The following TBX6 variants were observed in gnomAD, a reference collection of about 807,000 sequenced individuals.
The protein encoded by TBX6 is T-box transcription factor 6, also known as T-box transcription factor TBX6.
TBX6 carries 29 observed loss-of-function variants against 42.3 expected under a neutral mutation model. The observed-to-expected ratio is 0.69, with a 90% CI of 0.51 to 0.93. The LOEUF (loss-of-function observed/expected upper bound fraction) is 0.93, where lower values mean the gene tolerates loss of function less well. TBX6 is among the 40% of genes least tolerant of loss of function. The probability of loss-of-function intolerance (pLI) is 0.00; values close to 1 mark genes in which losing one functional copy is unlikely to be tolerated. For synonymous variants in TBX6, 249 were observed against 245.1 expected (o/e 1.02, Z -0.15); for missense variants, 569 against 603.3 (o/e 0.94, Z 0.59).
At position 30,088,686 on chromosome 16, in the gene TBX6, C is replaced by A; in HGVS notation, c.768+7G>T. 1 of 1,614,124 alleles carries A rather than the reference C, an allele frequency of 6.2e-7. No individual in the cohort carries two copies. On this transcript the variant is annotated splice_region_variant and intron_variant, in intron 5 of 8. Coordinates refer to ENST00000395224, the MANE Select transcript of TBX6 (RefSeq NM_004608.4). The surrounding 1 kb of genome is among the most constrained non-coding windows in gnomAD (Gnocchi z 4.1). ...GGGCCACCACCCCCTCAAGCAGGGT[C>A]ACTCACCTGTGGGTTCTGGTAGGCT...
At chr16:30,090,722 C>T (rs954032270) in intron 3 of TBX6, 36 bp downstream of exon 3, 4 of 1,594,296 alleles carry the variant, frequency 2.5e-6, no homozygotes, top group South Asian at 2.3e-5. Flanking sequence ...CCCAAGAGAC[C>T]CCCACCAGAA....
Position 30,086,174 on chromosome 16 carries a change from G to T in TBX6, c.*51C>A. ...TGGAGGTGAGGGGGCTCCAGGGCTG[G>T]GGGAAGGGAGCGGGAGGTTTGTGAT... On this transcript the variant is annotated 3_prime_UTR_variant, in exon 9 of 9. Transcript: ENST00000395224. The surrounding 1 kb of genome is among the most constrained non-coding windows in gnomAD (Gnocchi z 4.6). The T allele has an allele frequency of 6.3e-7, 1 of 1,590,026 alleles. No individual in the cohort carries two copies. The highest frequency in any genetic ancestry group is 8.6e-7 in the Non-Finnish European group (1 of 1,168,294).
intron 3 of TBX6, among the ~76,000 whole-genome samples, chr16:30,090,265 C>T (rs1297538531): frequency 1.3e-5 from 2 of 152,156 alleles, no homozygotes; most frequent in Non-Finnish European, 2.9e-5. Context: ...GGCTTGAGTT[C>T]CTGCCCCAGC....
chr16:30,088,328 A>T lies in TBX6; in HGVS notation c.839+217T>A. 1.6e-6 allele frequency: 1 copy of T among 630,602 alleles called. No homozygotes were observed. Among genetic ancestry groups the T allele is most frequent in the Non-Finnish European group, 2.8e-6 (1 of 360,426 alleles). 39.1% of individuals were successfully genotyped at this position (630,602 alleles called of 1,614,324 possible). A position where few individuals can be genotyped will look rare whatever the true frequency, so the allele number is the denominator to read the frequency against. ...ACTCTCCCCACTAGAAATCAGCTGCATGAGGGCCGGGGCTTTGGTTTGCTT... is the reference window on the plus strand; with the variant it reads ...ACTCTCCCCACTAGAAATCAGCTGCTTGAGGGCCGGGGCTTTGGTTTGCTT... On this transcript the variant is annotated intron_variant, in intron 6 of 8. Coordinates refer to ENST00000395224, the MANE Select transcript of TBX6 (RefSeq NM_004608.4). This position sits in a 1 kb window ranked among gnomAD's most constrained non-coding sequence, Gnocchi z 4.1.
rs1266589070 is a variant in TBX6, at chr16:30,086,687, C to T, written c.922G>A (p.Gly308Ser). 1.9e-6 allele frequency: 3 copies of T among 1,612,296 alleles called. No individual in the cohort carries two copies. The highest frequency in any genetic ancestry group is 2.5e-6 in the Non-Finnish European group (3 of 1,179,186). Residue 308 changes from glycine (G) to serine (S), a missense_variant, in exon 8 of 9, where the codon GGT becomes AGT. Transcript: ENST00000395224. The surrounding 1 kb of genome is among the most constrained non-coding windows in gnomAD (Gnocchi z 4.6). ...TEAYGSGDTP[G>S]GPCDSTLGGD... ...CCCAGGGTGGAGTCGCAGGGACCAC[C>T]TGGTGTGTCTGGGGAGAGGGAAGGG... is the stretch of plus-strand genomic sequence containing the variant.
rs1230204042 is a variant in TBX6, at chr16:30,088,481, G to T, written c.839+64C>A. The T allele has an allele frequency of 3.7e-6, 6 of 1,604,922 alleles. No individual in the cohort carries two copies. The South Asian group carries it at 5.5e-5, about 15-fold the overall frequency. On this transcript the variant is annotated intron_variant, in intron 6 of 8. Transcript: ENST00000395224. The surrounding 1 kb of genome is among the most constrained non-coding windows in gnomAD (Gnocchi z 4.1). ...TTTCTGATGTCCAGCACGGTGCCTG[G>T]CACACAGTGAGTGATTAATAAACAT... is the stretch of plus-strand genomic sequence containing the variant.
At position 30,086,384 on chromosome 16, in the gene TBX6, A is replaced by G. The variant is rs373496540; in HGVS notation, c.1152T>C (p.Ala384=). 2.5e-5 allele frequency: 40 copies of G among 1,571,434 alleles called. No homozygotes were observed. Among genetic ancestry groups the G allele is most frequent in the Non-Finnish European group, 3.3e-5 (38 of 1,166,782 alleles). The change falls in exon 9 of 9, where the codon GCT becomes GCC. Residue 384 remains alanine, a synonymous_variant. Coordinates refer to ENST00000395224, the MANE Select transcript of TBX6 (RefSeq NM_004608.4). This position sits in a 1 kb window ranked among gnomAD's most constrained non-coding sequence, Gnocchi z 4.6. ...PDSGRSAPYS[A]AFLELPHGSG... ...ACCCGTGCGGCAGCTCCAGAAATGC[A>G]GCCGAGTAGGGGGCTGAGCGCCCGG...
In TBX6 at chr16:30,088,219, T is replaced by C. The variant is rs909874887; in HGVS notation, c.839+326A>G. 2.7e-5 allele frequency: 10 copies of C among 370,294 alleles called. No homozygotes were observed. The highest frequency in any genetic ancestry group is 2.1e-4 in the African/African-American group (10 of 47,600). The allele number at this position is 370,294 out of a possible 1,614,324, so 22.9% of individuals were successfully genotyped here. A position where few individuals can be genotyped will look rare whatever the true frequency, so the allele number is the denominator to read the frequency against. On this transcript the variant is annotated intron_variant, in intron 6 of 8. Transcript: ENST00000395224. This position sits in a 1 kb window ranked among gnomAD's most constrained non-coding sequence, Gnocchi z 4.1. ...TCCCAGAGTGCTGGGATTACATGCG[T>C]GAGCCACCACACCTGGTCTCTCTTC...
intron 3 of TBX6, 28 bp from the exon 4 acceptor site, chr16:30,089,238 C>CT (rs1417730993): frequency 1.9e-6 from 3 of 1,597,950 alleles, no homozygotes; most frequent in Non-Finnish European, 2.6e-6. Flanking sequence ...CAGGAGAGGC[C>CT]TGGAGCTACC....
At chr16:30,089,462 C>T (rs1161043801) in intron 3 of TBX6, among the ~76,000 whole-genome samples, 5 of 151,996 alleles carry the variant, frequency 3.3e-5, no homozygotes, top group Admixed American at 3.3e-4. Context: ...AGAAAGACCC[C>T]ATCTCTACAA....
rs1465012982 is a variant in TBX6 at position 30,086,170 on chromosome 16, G to A, written c.*55C>T. 1 of 1,585,816 alleles carries A rather than the reference G, an allele frequency of 6.3e-7. No individual in the cohort carries two copies. Among genetic ancestry groups the A allele is most frequent in the African/African-American group, 1.4e-5 (1 of 73,344 alleles). ...CCGGTGGAGGTGAGGGGGCTCCAGG[G>A]CTGGGGGAAGGGAGCGGGAGGTTTG... On this transcript the variant is annotated 3_prime_UTR_variant, in exon 9 of 9. Coordinates refer to ENST00000395224, the MANE Select transcript of TBX6 (RefSeq NM_004608.4). The surrounding 1 kb of genome is among the most constrained non-coding windows in gnomAD (Gnocchi z 4.6).
At chr16:30,087,934 C>CTT (rs2072664248) in intron 6 of TBX6, 1 of 17,874 alleles carries the variant, frequency 5.6e-5, no homozygotes, top group Non-Finnish European at 1.5e-4. Flanking sequence ...GTTTTCTTTT[C>CTT]TTTCTTTTTT....
rs1318523028 is a variant in TBX6 at position 30,085,836 on chromosome 16, C to T, written c.*389G>A. 4.4e-6 allele frequency: 1 copy of T among 227,646 alleles called. No homozygotes were observed. Among genetic ancestry groups the T allele is most frequent in the South Asian group, 5.5e-5 (1 of 18,116 alleles). 14.1% of individuals were successfully genotyped at this position (227,646 alleles called of 1,614,324 possible). A position where few individuals can be genotyped will look rare whatever the true frequency, so the allele number is the denominator to read the frequency against. The stretch of plus-strand genomic sequence containing the variant: ...CTTTTGAGTTTTATTAACAAAAATA[C>T]TCTGGTCCCAGAACAACAGACTGGT... On this transcript the variant is annotated 3_prime_UTR_variant, in exon 9 of 9. Transcript: ENST00000395224.
chr16:30,088,642 CA>C lies in TBX6; in HGVS notation c.769-28del. The C allele has an allele frequency of 6.2e-7, 1 of 1,614,110 alleles. No individual in the cohort carries two copies. Among genetic ancestry groups the C allele is most frequent in the South Asian group, 1.1e-5 (1 of 91,078 alleles). ...TGGGGACACACATGCAGGGTCAAAG[CA>C]ACTGCGGTCTGGGCAGGGGGCCACC... is the stretch of plus-strand genomic sequence containing the variant. On this transcript the variant is annotated intron_variant, in intron 5 of 8. Transcript: ENST00000395224. The surrounding 1 kb of genome is among the most constrained non-coding windows in gnomAD (Gnocchi z 4.1).
Position 30,086,936 on chromosome 16 carries a change from C to A in TBX6, c.840-85G>T. The A allele has an allele frequency of 6.7e-7, 1 of 1,499,742 alleles. No homozygotes were observed. The highest frequency in any genetic ancestry group is 9.0e-7 in the Non-Finnish European group (1 of 1,107,638). 92.9% of individuals were successfully genotyped at this position (1,499,742 alleles called of 1,614,324 possible). ...TACTTACCCGGTGCCAGGCATTTCA[C>A]CCTCCCAGGGACCCTGTCAGGTAGG... On this transcript the variant is annotated intron_variant, in intron 6 of 8. Coordinates refer to ENST00000395224, the MANE Select transcript of TBX6 (RefSeq NM_004608.4). The surrounding 1 kb of genome is among the most constrained non-coding windows in gnomAD (Gnocchi z 4.6).
intron 6 of TBX6, among the ~76,000 whole-genome samples, chr16:30,087,490 T>C (rs941010388): frequency 3.9e-5 from 6 of 152,002 alleles, no homozygotes; most frequent in Non-Finnish European, 7.4e-5. Flanking sequence ...AGTTCTGCTT[T>C]TGCATTTGAT....
intron 3 of TBX6, among the ~76,000 whole-genome samples, chr16:30,090,067 G>C (rs181511267): frequency 6.6e-6 from 1 of 152,184 alleles, no homozygotes; most frequent in East Asian, 1.9e-4. Context: ...TAGGAACAGA[G>C]CCATGACTCC....
Position 30,090,797 on chromosome 16 carries a change from C to G in TBX6, c.314G>C (p.Ser105Thr). The change falls in exon 3 of 9, where the codon AGC becomes ACC. Residue 105 changes from serine to threonine, a missense_variant. Ser to Thr is a moderately conservative substitution (Grantham distance 58, BLOSUM62 1). Around this residue, in one of 3 missense-constraint regions of TBX6, gnomAD observed 190 missense variants for 250.6 expected, o/e 0.76. Transcript: ENST00000395224. ...GATGATCATTTCTGTTCCCACAGAG[C>G]TGAACTCCTTCCATAGCTCCCGGTT... ...LENRELWKEF[S>T]SVGTEMIITK... The G allele has an allele frequency of 6.2e-7, 1 of 1,605,628 alleles. No homozygotes were observed. The highest frequency in any genetic ancestry group is 8.5e-7 in the Non-Finnish European group (1 of 1,175,770).
At position 30,086,376 on chromosome 16, in the gene TBX6, A is replaced by G. The variant is rs1328412012; in HGVS notation, c.1160T>C (p.Leu387Pro). Residue 387 changes from leucine (L) to proline (P), a missense_variant, in exon 9 of 9, where the codon CTG (leucine) becomes CCG (proline). By Grantham distance (98) the Leu-to-Pro change is moderately conservative (BLOSUM62 -3). Around this residue, in one of 3 missense-constraint regions of TBX6, gnomAD observed 245 missense variants for 227.4 expected, o/e 1.08. Transcript: ENST00000395224. This position sits in a 1 kb window ranked among gnomAD's most constrained non-coding sequence, Gnocchi z 4.6. ...GCCCCCTGACCCGTGCGGCAGCTCC[A>G]GAAATGCAGCCGAGTAGGGGGCTGA... ...GRSAPYSAAF[L>P]ELPHGSGGSG... 1.9e-6 allele frequency: 3 copies of G among 1,575,968 alleles called. No individual in the cohort carries two copies. In the South Asian group the frequency reaches 3.5e-5, roughly 18 times the overall value.
Sources: gnomAD v4.1 joint callset for allele counts (sites outside exome capture counted in the v4.1 genomes callset) on GRCh38, gnomAD v4.1.1 for gene constraint, gnomAD v4.1.1 regional missense constraint, Gnocchi (gnomAD v3.1) non-coding constraint, MANE v1.5 for transcripts, NCBI Gene and HGNC (gene_info 2026-07-23, HGNC 2026-07-21) for gene names.